Variants in PCDHGB3 observed in about 807,000 individuals in gnomAD.
PCDHGB3 encodes protocadherin gamma-B3.
PCDHGB3 carries 40 observed loss-of-function variants against 59.2 expected under a neutral mutation model. That is an observed-to-expected ratio of 0.68 (90% CI 0.52 to 0.88). The LOEUF (loss-of-function observed/expected upper bound fraction) is 0.88, where lower values mean the gene tolerates loss of function less well. PCDHGB3 is among the 40% of genes least tolerant of loss of function. The pLI is 0.00. For synonymous variants in PCDHGB3, 581 were observed against 503.6 expected (o/e 1.15, Z -2.06); for missense variants, 1,309 against 1,187.9 (o/e 1.10, Z -1.50).
chr5:141,451,256 A>T (rs376288655), intron 1 of PCDHGB3, among the ~76,000 whole-genome samples: 1 of 152,212 alleles, frequency 6.6e-6, no homozygotes, highest in African/African-American at 2.4e-5. Context: ...GTGGATCAGG[A>T]CTGGGTATAG....
Position 141,436,609 on chromosome 5 carries a change from A to G in PCDHGB3, c.2416-58198A>G, listed in dbSNP as rs182981534. On this transcript the variant is annotated intron_variant, in intron 1 of 3. Coordinates refer to ENST00000576222, the MANE Select transcript of PCDHGB3 (RefSeq NM_018924.5). ...AAAGGTCGTGGTGATGGCTAGGGCT[A>G]ACAAAAATCTGATTCACAACATGCA... Among the ~76,000 whole-genome samples, 5 of 152,334 alleles carry G rather than the reference A, an allele frequency of 3.3e-5. No homozygotes were observed. The East Asian group carries it at 5.8e-4, about 18-fold the overall frequency.
Position 141,394,139 on chromosome 5 carries a change from G to A in PCDHGB3, c.2415+21330G>A, listed in dbSNP as rs780148099. 1.7e-5 allele frequency: 27 copies of A among 1,613,788 alleles called. No individual in the cohort carries two copies. The African/African-American group carries it at 3.5e-4, about 21-fold the overall frequency. On this transcript the variant is annotated intron_variant, in intron 1 of 3. Coordinates refer to ENST00000576222, the MANE Select transcript of PCDHGB3 (RefSeq NM_018924.5). ...CTGAAACTCAAATCGCTCTGCACGTGGCAGACATTAACGACAACCCTCCTA... is the reference window on the plus strand; with the variant it reads ...CTGAAACTCAAATCGCTCTGCACGTAGCAGACATTAACGACAACCCTCCTA...
At chr5:141,430,603 C>A in intron 1 of PCDHGB3, 1 of 632,906 alleles carries the variant, frequency 1.6e-6, no homozygotes, top group Non-Finnish European at 2.5e-6. Context: ...GCGCCTGAAG[C>A]ACAAAGCAGA....
At chr5:141,499,019 AG>A (rs2099788634) in intron 2 of PCDHGB3, among the ~76,000 whole-genome samples, 3 of 150,840 alleles carry the variant, frequency 2.0e-5, no homozygotes, top group Non-Finnish European at 3.0e-5. Context: ...GAAGGAAGGA[AG>A]GAAGGAAGAA....
In PCDHGB3 at chr5:141,433,051, G is replaced by A. The variant is rs754102028; in HGVS notation, c.2415+60242G>A. The A allele has an allele frequency of 1.8e-5, 29 of 1,614,066 alleles. No homozygotes were observed. In the East Asian group the frequency reaches 2.5e-4, roughly 14 times the overall value. On this transcript the variant is annotated intron_variant, in intron 1 of 3. Transcript: ENST00000576222. ...AGGTTTCCCTCACCACGGACTCGCG[G>A]AAGAGTCACCTGATCTTCCCCCAGC...
At position 141,493,356 on chromosome 5, in the gene PCDHGB3, C is replaced by A. The variant is rs1303319550; in HGVS notation, c.2416-1451C>A. Among the ~76,000 whole-genome samples, 1 of 152,182 alleles carries A rather than the reference C, an allele frequency of 6.6e-6. No individual in the cohort carries two copies. The highest frequency in any genetic ancestry group is 2.4e-5 in the African/African-American group (1 of 41,438). On this transcript the variant is annotated intron_variant, in intron 1 of 3. Transcript: ENST00000576222. This position sits in a 1 kb window ranked among gnomAD's most constrained non-coding sequence, Gnocchi z 4.3. ...ACTCCAGAATGTGTGCTTTTAATTT[C>A]TTGGCACTTGGAACTTTAAAAGCTT...
rs148558897 is a variant in PCDHGB3, at chr5:141,489,890, G to A, written c.2416-4917G>A. On this transcript the variant is annotated intron_variant, in intron 1 of 3. Coordinates refer to ENST00000576222, the MANE Select transcript of PCDHGB3 (RefSeq NM_018924.5). The surrounding 1 kb of genome is among the most constrained non-coding windows in gnomAD (Gnocchi z 4.5). Reference sequence around the variant, plus strand: ...CAGCTGGTGCTTACTGCTGTGGATGGGGGGACCCCAGCCCGCTCAGGGACC... The same window carrying A: ...CAGCTGGTGCTTACTGCTGTGGATGAGGGGACCCCAGCCCGCTCAGGGACC... 6.2e-7 allele frequency: 1 copy of A among 1,614,198 alleles called. No homozygotes were observed. The highest frequency in any genetic ancestry group is 8.5e-7 in the Non-Finnish European group (1 of 1,180,028).
At chr5:141,441,742 T>C in intron 1 of PCDHGB3, 1 of 367,312 alleles carries the variant, frequency 2.7e-6, no homozygotes, top group Non-Finnish European at 5.4e-6. Context: ...TAGCTCGCGC[T>C]CGGCGTCAAC....
rs923900490 is a variant in PCDHGB3, at chr5:141,383,761, C to T, written c.2415+10952C>T. 6 of 1,613,834 alleles carry T rather than the reference C, an allele frequency of 3.7e-6. No individual in the cohort carries two copies. The Admixed American group carries it at 1.0e-4, about 27-fold the overall frequency. Reference sequence around the variant, plus strand: ...TTCTTTTCGGAAAATAACTCCTAAACTTCCAAAGATGTTTCATCTGAACTC... The same window carrying T: ...TTCTTTTCGGAAAATAACTCCTAAATTTCCAAAGATGTTTCATCTGAACTC... On this transcript the variant is annotated intron_variant, in intron 1 of 3. Coordinates refer to ENST00000576222, the MANE Select transcript of PCDHGB3 (RefSeq NM_018924.5).
chr5:141,389,957 G>A (rs2091985321), intron 1 of PCDHGB3: 2 of 1,614,080 alleles, frequency 1.2e-6, no homozygotes, highest in Non-Finnish European at 1.7e-6. Flanking sequence ...TTTACCTAGT[G>A]GTGGCCTTGG....
Position 141,372,466 on chromosome 5 carries a change from A to G in PCDHGB3, c.2072A>G (p.His691Arg). 1 of 1,613,906 alleles carries G rather than the reference A, an allele frequency of 6.2e-7. No individual in the cohort carries two copies. The highest frequency in any genetic ancestry group is 1.1e-5 in the South Asian group (1 of 91,068). Reference protein sequence around the residue: ...PSDPQAELQFHLVVALALISV... With the variant: ...PSDPQAELQFRLVVALALISV... The stretch of plus-strand genomic sequence containing the variant: ...GACCCTCAGGCGGAGCTACAGTTTC[A>G]CCTAGTAGTGGCGTTGGCCTTGATC... Residue 691 changes from histidine (H) to arginine (R), a missense_variant, in exon 1 of 4, where the codon CAC (histidine) becomes CGC (arginine). His to Arg is a conservative substitution (Grantham distance 29). Transcript: ENST00000576222.
chr5:141,427,434 A>G (rs2097026509), intron 1 of PCDHGB3: 1 of 473,650 alleles, frequency 2.1e-6, no homozygotes, highest in African/African-American at 2.0e-5. Context: ...TACATGCCTC[A>G]TAAACGAAAG....
At chr5:141,428,055 G>T in intron 1 of PCDHGB3, 1 of 1,609,070 alleles carries the variant, frequency 6.2e-7, no homozygotes, top group Non-Finnish European at 8.5e-7. Context: ...CAAGGTGGTG[G>T]CGGTGGACGC....
chr5:141,385,181 C>T (rs201394036), intron 1 of PCDHGB3: 5 of 1,614,202 alleles, frequency 3.1e-6, no homozygotes, highest in Non-Finnish European at 3.4e-6. Flanking sequence ...TCCCTCACCG[C>T]GGACTCTCGG....
intron 1 of PCDHGB3, among the ~76,000 whole-genome samples, chr5:141,466,570 T>C (rs967163331): frequency 6.6e-6 from 1 of 152,202 alleles, no homozygotes; most frequent in East Asian, 1.9e-4. Flanking sequence ...TCTTCAACAT[T>C]GTCTCATCCC....
intron 1 of PCDHGB3, chr5:141,420,280 T>C: frequency 6.6e-7 from 1 of 1,513,274 alleles, no homozygotes; most frequent in Non-Finnish European, 8.9e-7. Context: ...AACAGGTAAG[T>C]ATTTAAAAAT....
chr5:141,510,510 G>C (rs1042950478), intron 3 of PCDHGB3, among the ~76,000 whole-genome samples: 1 of 152,132 alleles, frequency 6.6e-6, no homozygotes, highest in Non-Finnish European at 1.5e-5. Context: ...CTGAGAGCCC[G>C]TGTCACAGCC....
rs1275819200 is a variant in PCDHGB3, at chr5:141,491,620, A to G, written c.2416-3187A>G. 5 of 1,613,788 alleles carry G rather than the reference A, an allele frequency of 3.1e-6. No individual in the cohort carries two copies. Among genetic ancestry groups the G allele is most frequent in the Non-Finnish European group, 4.2e-6 (5 of 1,180,014 alleles). On this transcript the variant is annotated intron_variant, in intron 1 of 3. Coordinates refer to ENST00000576222, the MANE Select transcript of PCDHGB3 (RefSeq NM_018924.5). The surrounding 1 kb of genome is among the most constrained non-coding windows in gnomAD (Gnocchi z 6.9). ...TGACTTCACTTTTCTAAGACCCCTC[A>G]GCGTTCAGCAGCCCACAGCTCTGGC...
Position 141,371,607 on chromosome 5 carries a change from G to T in PCDHGB3, c.1213G>T (p.Val405Leu), listed in dbSNP as rs2149987986. ...VQDTKNTYRL[V>L]TDGALDREQI... is the part of the protein sequence containing the mutation. ...AGATACCAAAAACACATACAGGTTG[G>T]TGACAGATGGAGCCCTGGACCGGGA... Residue 405 changes from valine to leucine, a missense_variant, in exon 1 of 4, where the codon GTG becomes TTG. Physicochemically the swap from Val to Leu is conservative, Grantham distance 32. Transcript: ENST00000576222. 6.2e-6 allele frequency: 10 copies of T among 1,614,022 alleles called. No individual in the cohort carries two copies. Among genetic ancestry groups the T allele is most frequent in the Admixed American group, 1.7e-5 (1 of 60,028 alleles).
Sources: gnomAD v4.1 joint callset for allele counts (sites outside exome capture counted in the v4.1 genomes callset) on GRCh38, gnomAD v4.1.1 for gene constraint, Gnocchi (gnomAD v3.1) non-coding constraint, MANE v1.5 for transcripts, NCBI Gene and HGNC (gene_info 2026-07-23, HGNC 2026-07-21) for gene names.